The following CNTNAP5 variants were observed in gnomAD, a reference collection of about 807,000 sequenced individuals.
The protein encoded by CNTNAP5 is contactin associated protein family member 5.
CNTNAP5 carries 72 observed loss-of-function variants against 150.2 expected under a neutral mutation model. The ratio of observed to expected loss-of-function variants is 0.48; its 90% CI spans 0.40 to 0.58. CNTNAP5 has a LOEUF of 0.58. CNTNAP5 is among the 20% of genes least tolerant of loss of function. The pLI, the probability that CNTNAP5 is intolerant of heterozygous loss-of-function variation, is 0.00. For synonymous variants in CNTNAP5, 672 were observed against 619.8 expected (o/e 1.08, Z -1.25); for missense variants, 1,636 against 1,626.2 (o/e 1.01, Z -0.10).
At position 124,431,508 on chromosome 2, in the gene CNTNAP5, G is replaced by GATATATATATAT. The variant is rs201654852; in HGVS notation, c.530-2966_530-2955dup. Among the ~76,000 whole-genome samples the GATATATATATAT allele has an allele frequency of 1.6e-3, 178 of 114,204 alleles. 4 individuals are homozygous for GATATATATATAT. The highest frequency in any genetic ancestry group is 0.013 in the Admixed American group (143 of 10,614). 74.9% of individuals were successfully genotyped at this position (114,204 alleles called of 152,430 possible). A position where few individuals can be genotyped will look rare whatever the true frequency, so the allele number is the denominator to read the frequency against. On this transcript the variant is annotated intron_variant, in intron 4 of 23. Transcript: ENST00000682447. ...ATTGCTTGGACAAAAAAGTGTCAAA[G>GATATATATATAT]ATATATATATATATATATATAAAAT...
At chr2:124,348,218 CT>C (rs1266438565) in intron 3 of CNTNAP5, among the ~76,000 whole-genome samples, 1 of 151,864 alleles carries the variant, frequency 6.6e-6, no homozygotes, top group Non-Finnish European at 1.5e-5. Flanking sequence ...AAATTATTTT[CT>C]TAATTTTTTC....
At chr2:124,151,940 C>G (rs780911421) in intron 1 of CNTNAP5, among the ~76,000 whole-genome samples, 12 of 152,176 alleles carry the variant, frequency 7.9e-5, no homozygotes, top group Non-Finnish European at 1.6e-4. Context: ...ATTACAACTT[C>G]TTAAGGGGTG....
chr2:124,408,838 T>C (rs1344784705), intron 3 of CNTNAP5, among the ~76,000 whole-genome samples: 1 of 152,084 alleles, frequency 6.6e-6, no homozygotes, highest in Non-Finnish European at 1.5e-5. Flanking sequence ...CCTCTCCTCC[T>C]CCAAAGGAAT....
chr2:124,057,280 CCA>C (rs1263256698), intron 1 of CNTNAP5, among the ~76,000 whole-genome samples: 1 of 103,414 alleles, frequency 9.7e-6, no homozygotes, highest in African/African-American at 3.3e-5. Context: ...ATTAACAAGT[CCA>C]TTTTTTTTTT....
chr2:124,800,962 C>T (rs1302755139), intron 19 of CNTNAP5, among the ~76,000 whole-genome samples: 1 of 152,048 alleles, frequency 6.6e-6, no homozygotes, highest in East Asian at 1.9e-4. Flanking sequence ...TTTTAGTTAG[C>T]TCAGGCTAAC....
intron 1 of CNTNAP5, among the ~76,000 whole-genome samples, chr2:124,096,599 A>G (rs1682939055): frequency 6.6e-6 from 1 of 152,132 alleles, no homozygotes; most frequent in African/African-American, 2.4e-5. Context: ...GGCATATCAT[A>G]TATATTCCAA....
intron 12 of CNTNAP5, among the ~76,000 whole-genome samples, chr2:124,628,963 A>C (rs1677788310): frequency 6.6e-6 from 1 of 152,208 alleles, no homozygotes; most frequent in Non-Finnish European, 1.5e-5. Context: ...AAAAAAGACA[A>C]AGAAGGGCAT....
At chr2:124,706,746 C>CAAGAAGAAG (rs747166844) in intron 13 of CNTNAP5, among the ~76,000 whole-genome samples, 3,636 of 51,934 alleles carry the variant, frequency 0.07, 248 homozygotes, top group East Asian at 0.083. Context: ...GACTCTGTTT[C>CAAGAAGAAG]AAGAAGAAGA....
At chr2:124,371,600 G>C (rs1354514543) in intron 3 of CNTNAP5, among the ~76,000 whole-genome samples, 1 of 152,156 alleles carries the variant, frequency 6.6e-6, no homozygotes, top group Middle Eastern at 3.4e-3. Flanking sequence ...CTAATACATG[G>C]CACTTCCTAA....
At chr2:124,087,556 T>A (rs1682719837) in intron 1 of CNTNAP5, among the ~76,000 whole-genome samples, 1 of 151,892 alleles carries the variant, frequency 6.6e-6, no homozygotes, top group African/African-American at 2.4e-5. Context: ...ACCCCATTTC[T>A]ACTAAAAATA....
intron 1 of CNTNAP5, among the ~76,000 whole-genome samples, chr2:124,048,664 T>C (rs1433777507): frequency 6.6e-6 from 1 of 152,226 alleles, no homozygotes; most frequent in Non-Finnish European, 1.5e-5. Flanking sequence ...TCTTTTTTGT[T>C]GGTAAATATG....
rs190052562 is a variant in CNTNAP5, at chr2:124,089,058, G to A, written c.82+63326G>A. Among the ~76,000 whole-genome samples the A allele has an allele frequency of 7.2e-3, 1,100 of 152,086 alleles. 7 individuals are homozygous for A. Among genetic ancestry groups the A allele is most frequent in the Non-Finnish European group, 0.012 (797 of 67,996 alleles). On this transcript the variant is annotated intron_variant, in intron 1 of 23. Coordinates refer to ENST00000682447, the MANE Select transcript of CNTNAP5 (RefSeq NM_001367498.1). ...ATTTGTAATTCCAGATTCTAGCTTC[G>A]TCAACTCAGAGATAAATGAGGGAAA...
intron 3 of CNTNAP5, among the ~76,000 whole-genome samples, chr2:124,259,317 T>G (rs536537660): frequency 6.6e-6 from 1 of 152,190 alleles, no homozygotes; most frequent in Non-Finnish European, 1.5e-5. Flanking sequence ...GCAATAAACA[T>G]ACATGTGCAT....
intron 1 of CNTNAP5, among the ~76,000 whole-genome samples, chr2:124,095,371 C>T (rs1682910578): frequency 6.6e-6 from 1 of 152,086 alleles, no homozygotes; most frequent in Non-Finnish European, 1.5e-5. Context: ...GGAGGGAGAG[C>T]ATTAGGACAA....
rs551740469 is a variant in CNTNAP5, at chr2:124,288,169, A to G, written c.381+45776A>G. On this transcript the variant is annotated intron_variant, in intron 3 of 23. Coordinates refer to ENST00000682447, the MANE Select transcript of CNTNAP5 (RefSeq NM_001367498.1). The stretch of plus-strand genomic sequence containing the variant: ...AGTCTTGCATGCCTAGGCTCAAGTG[A>G]TCCTCTAGCCTTGGTCTCCCAAAAT... Among the ~76,000 whole-genome samples, 34 of 152,268 alleles carry G rather than the reference A, an allele frequency of 2.2e-4. No individual in the cohort carries two copies. The South Asian group carries it at 7.0e-3, about 32-fold the overall frequency.
intron 19 of CNTNAP5, among the ~76,000 whole-genome samples, chr2:124,816,810 C>T (rs572054946): frequency 6.6e-6 from 1 of 152,160 alleles, no homozygotes; most frequent in East Asian, 1.9e-4. Flanking sequence ...CAAAAGAAAG[C>T]AAATATATGT....
intron 12 of CNTNAP5, among the ~76,000 whole-genome samples, chr2:124,612,019 G>A (rs898569302): frequency 5.3e-5 from 8 of 152,146 alleles, no homozygotes; most frequent in East Asian, 1.9e-4. Context: ...CTTAGGAAGC[G>A]GGCATAGCCT....
At chr2:124,471,105 A>T (rs1693503709) in intron 6 of CNTNAP5, among the ~76,000 whole-genome samples, 1 of 152,152 alleles carries the variant, frequency 6.6e-6, no homozygotes, top group Non-Finnish European at 1.5e-5. Context: ...TAATTTCATT[A>T]AGAATGTCAG....
intron 3 of CNTNAP5, among the ~76,000 whole-genome samples, chr2:124,278,288 C>A (rs139104187): frequency 6.6e-6 from 1 of 152,038 alleles, no homozygotes; most frequent in East Asian, 1.9e-4. Context: ...AAAAGAATAA[C>A]AAATTAACTT....
Sources: allele counts gnomAD v4.1 joint callset (sites outside exome capture counted in the v4.1 genomes callset), GRCh38; gene constraint gnomAD v4.1.1; transcripts MANE v1.5; gene names NCBI Gene and HGNC (gene_info 2026-07-23, HGNC 2026-07-21).